The following ANO1 variants were observed in gnomAD, a reference collection of about 807,000 sequenced individuals.
ANO1 encodes the protein anoctamin-1.
In ANO1, 59 loss-of-function variants were observed where a neutral mutation model predicts 124.0. That is an observed-to-expected ratio of 0.48 (90% CI 0.39 to 0.59). The LOEUF (loss-of-function observed/expected upper bound fraction) is 0.59. Ranked by LOEUF, ANO1 falls within the 20% of genes least tolerant of loss-of-function variation. The pLI is 0.00. For synonymous variants in ANO1, 529 were observed against 532.0 expected, an observed-to-expected ratio of 0.99 and a Z score of 0.08; for missense variants, 1,059 against 1,328.0, an observed-to-expected ratio of 0.80 and a Z score of 3.15.
Position 70,172,132 on chromosome 11 carries a change from A to AAGAAAG in ANO1, c.2350+1094_2350+1095insGAAAGA, listed in dbSNP as rs1555052148. Among the ~76,000 whole-genome samples, 47 of 141,662 alleles carry AAGAAAG rather than the reference A, an allele frequency of 3.3e-4. No individual in the cohort carries two copies. In the East Asian group the frequency reaches 6.8e-3, roughly 20 times the overall value. The allele number at this position is 141,662 out of a possible 152,430, so 92.9% of individuals were successfully genotyped here. A position where few individuals can be genotyped will look rare whatever the true frequency, so the allele number is the denominator to read the frequency against. Reference sequence around the variant, plus strand: ...GAGAACCTGTCTTAAAAAAAAAAAAAAAAAGAAAAGAAAAGAAAAGAAAAA... The same window carrying AAGAAAG: ...GAGAACCTGTCTTAAAAAAAAAAAAAAGAAAGAAAAGAAAAGAAAAGAAAAGAAAAA... On this transcript the variant is annotated intron_variant, in intron 22 of 25. Coordinates refer to ENST00000355303, the MANE Select transcript of ANO1 (RefSeq NM_018043.7).
the ANO1 span, among the ~76,000 whole-genome samples, chr11:69,969,331 G>A: frequency 6.6e-6 from 1 of 152,226 alleles, no homozygotes; most frequent in Non-Finnish European, 1.5e-5. Context: ...CTGGTCTGAG[G>A]TGTGGCTGGA....
At chr11:70,104,504 A>C (rs2045414277) in intron 4 of ANO1, among the ~76,000 whole-genome samples, 1 of 148,894 alleles carries the variant, frequency 6.7e-6, no homozygotes, top group Non-Finnish European at 1.5e-5. Context: ...CCTGCAGCCC[A>C]GGCAGCCTTG....
At chr11:70,048,498 G>A (rs1857294962) in intron 1 of ANO1, among the ~76,000 whole-genome samples, 1 of 151,990 alleles carries the variant, frequency 6.6e-6, no homozygotes, top group Admixed American at 6.6e-5. Context: ...TTATCGATTA[G>A]ACATAAGATT....
chr11:70,183,749 C>T (rs1032759850), intron 24 of ANO1, among the ~76,000 whole-genome samples: 3 of 152,198 alleles, frequency 2.0e-5, no homozygotes. Flanking sequence ...GTTGGCAGCT[C>T]AGTGCTGAAT....
intron 11 of ANO1, among the ~76,000 whole-genome samples, chr11:70,134,562 G>A (rs942834664): frequency 6.6e-6 from 1 of 152,186 alleles, no homozygotes; most frequent in Non-Finnish European, 1.5e-5. Flanking sequence ...GGTCACTGCC[G>A]TCTTACCACA....
Position 70,124,536 on chromosome 11 carries a change from G to A in ANO1, c.962+122G>A, listed in dbSNP as rs2135482939. 3.1e-6 allele frequency: 3 copies of A among 981,184 alleles called. No individual in the cohort carries two copies. The East Asian group carries it at 7.8e-5, about 26-fold the overall frequency. The allele number at this position is 981,184 out of a possible 1,614,324, so 60.8% of individuals were successfully genotyped here. ...CCGGGAACGTGTTTGAACTCAAAGA[G>A]CTTGTGTAGGAAGACCCAAAATGTC... On this transcript the variant is annotated intron_variant, in intron 9 of 25. Coordinates refer to ENST00000355303, the MANE Select transcript of ANO1 (RefSeq NM_018043.7).
intron 1 of ANO1, among the ~76,000 whole-genome samples, chr11:70,010,173 G>GTGTGTA (rs1208932537): frequency 3.0e-4 from 15 of 50,614 alleles, no homozygotes; most frequent in Non-Finnish European, 5.3e-4. Flanking sequence ...GTGCGCGTGT[G>GTGTGTA]TGTGTGTATA....
Position 70,116,495 on chromosome 11 carries a change from GA to G in ANO1, c.897del (p.Lys299AsnfsTer93). On this transcript the variant is annotated frameshift_variant, in exon 8 of 26. Transcript: ENST00000355303. LOFTEE classifies it high-confidence loss of function. ...GGTGAAAACGTCGAGTTCAACGACA[GA>G]AAAGTAAGTTGATGGAGCGGAGCAG... is the stretch of plus-strand genomic sequence containing the variant. ...YNGENVEFND[R>X]KLLYEEWARY... 6.3e-7 allele frequency: 1 copy of G among 1,595,718 alleles called. No individual in the cohort carries two copies.
intron 1 of ANO1, among the ~76,000 whole-genome samples, chr11:70,035,184 C>T (rs1047868098): frequency 1.3e-5 from 2 of 152,160 alleles, no homozygotes; most frequent in Admixed American, 6.5e-5. Flanking sequence ...AGCTATGACC[C>T]GTGGAGCTGC....
chr11:70,112,839 G>A (rs970939834), intron 7 of ANO1, among the ~76,000 whole-genome samples: 4 of 152,174 alleles, frequency 2.6e-5, no homozygotes, highest in Admixed American at 2.6e-4. Context: ...GATTACAGGC[G>A]TGAGCCACCG....
intron 1 of ANO1, among the ~76,000 whole-genome samples, chr11:70,013,143 T>C (rs1297316313): frequency 1.3e-5 from 2 of 152,042 alleles, no homozygotes; most frequent in African/African-American, 4.8e-5. Flanking sequence ...GGCAAAAACA[T>C]GGAGAAAGTG....
intron 9 of ANO1, 135 bp from the exon 10 acceptor site, chr11:70,125,926 C>T (rs2046493411): frequency 9.0e-7 from 1 of 1,111,498 alleles, no homozygotes; most frequent in African/African-American, 1.6e-5. Flanking sequence ...GGCCCAGGAC[C>T]CCACTCTCTG....
intron 16 of ANO1, 151 bp from the exon 17 acceptor site, chr11:70,161,010 C>A: frequency 2.8e-6 from 2 of 710,742 alleles, no homozygotes; most frequent in Non-Finnish European, 4.6e-6. Flanking sequence ...AAGCCCCTGG[C>A]ATTTGGCAGG....
chr11:69,972,182 G>A, the ANO1 span, among the ~76,000 whole-genome samples: 13 of 90,086 alleles, frequency 1.4e-4, no homozygotes, highest in Non-Finnish European at 2.7e-4. Context: ...GCAAGACTCC[G>A]TCTCAAAAAA....
chr11:70,068,759 T>C (rs1448875938), intron 1 of ANO1, among the ~76,000 whole-genome samples: 1 of 152,168 alleles, frequency 6.6e-6, no homozygotes, highest in Non-Finnish European at 1.5e-5. Context: ...CTCCTCCAAC[T>C]GTTCTGAAGT....
At chr11:70,094,443 G>A (rs1022297479) in intron 2 of ANO1, among the ~76,000 whole-genome samples, 10 of 152,220 alleles carry the variant, frequency 6.6e-5, no homozygotes, top group African/African-American at 2.2e-4. Flanking sequence ...TTTGAGAATC[G>A]GGGGTGGGGG....
At chr11:70,083,307 G>A (rs112922832) in intron 1 of ANO1, among the ~76,000 whole-genome samples, 159 of 152,256 alleles carry the variant, frequency 1.0e-3, no homozygotes, top group Non-Finnish European at 1.9e-3. Context: ...TATAACATGA[G>A]GTAGGTCTTA....
intron 1 of ANO1, among the ~76,000 whole-genome samples, chr11:70,035,228 G>A (rs1341725799): frequency 6.6e-6 from 1 of 152,186 alleles, no homozygotes; most frequent in African/African-American, 2.4e-5. Flanking sequence ...GTCAGGTCCA[G>A]CCCTCCAGGA....
At position 70,161,181 on chromosome 11, in the gene ANO1, C is replaced by T. The variant is rs772241841; in HGVS notation, c.1599C>T (p.Ile533=). ...IIFMIAVTFA[I]VLGVIIYRIS... is the part of the protein sequence containing the mutation. ...TGCAGATTGCAGTGACGTTTGCCAT[C>T]GTCCTCGGCGTCATCATCTACAGAA... The change falls in exon 17 of 26, where the codon ATC becomes ATT. Residue 533 remains isoleucine (I), a synonymous_variant. Transcript: ENST00000355303. 59 of 1,613,690 alleles carry T rather than the reference C, an allele frequency of 3.7e-5. No homozygotes were observed. In the Admixed American group the frequency reaches 8.7e-4, roughly 24 times the overall value.
Sources: gnomAD v4.1 joint callset for allele counts (sites outside exome capture counted in the v4.1 genomes callset) on GRCh38, gnomAD v4.1.1 for gene constraint, MANE v1.5 for transcripts, NCBI Gene and HGNC (gene_info 2026-07-23, HGNC 2026-07-21) for gene names.